SNX18: variants seen among roughly 807,000 people sequenced by gnomAD.
SNX18 encodes the protein sorting nexin-18.
SNX18 carries 35 observed loss-of-function variants against 48.7 expected under a neutral mutation model. The ratio of observed to expected loss-of-function variants is 0.72; its 90% confidence interval spans 0.55 to 0.95. The LOEUF (loss-of-function observed/expected upper bound fraction) is 0.95, where lower values mean the gene tolerates loss of function less well. Ranked by LOEUF, SNX18 falls within the 40% of genes least tolerant of loss-of-function variation. SNX18 has a pLI of 0.00. For synonymous variants in SNX18, 492 were observed against 384.7 expected, an observed-to-expected ratio of 1.28 and a Z score of -3.26; for missense variants, 824 against 871.0, an observed-to-expected ratio of 0.95 and a Z score of 0.68.
the SNX18 span, among the ~76,000 whole-genome samples, chr5:54,593,634 C>T: frequency 2.6e-5 from 4 of 152,126 alleles, no homozygotes; most frequent in Admixed American, 6.5e-5. Context: ...TTATATGACC[C>T]GATTTCTAGA....
the SNX18 span, among the ~76,000 whole-genome samples, chr5:54,629,757 G>C: frequency 6.6e-6 from 1 of 152,136 alleles, no homozygotes; most frequent in South Asian, 2.1e-4. Context: ...CAGAAGGCTT[G>C]GCTTTCTCTG....
chr5:54,589,231 C>A, the SNX18 span, among the ~76,000 whole-genome samples: 1 of 152,150 alleles, frequency 6.6e-6, no homozygotes, highest in African/African-American at 2.4e-5. Flanking sequence ...TTTCCTTCTG[C>A]CTAGTAATTT....
the SNX18 span, among the ~76,000 whole-genome samples, chr5:54,611,035 A>C: frequency 1.3e-5 from 2 of 152,318 alleles, no homozygotes; most frequent in East Asian, 3.9e-4. Context: ...TTTAAGGATC[A>C]TCCTATGTAA....
chr5:54,560,962 A>T, the SNX18 span, among the ~76,000 whole-genome samples: 1 of 152,218 alleles, frequency 6.6e-6, no homozygotes, highest in Non-Finnish European at 1.5e-5. Context: ...GACATCTAAG[A>T]TGTTACATTT....
chr5:54,530,941 C>A (rs1762244229), intron 1 of SNX18, among the ~76,000 whole-genome samples: 1 of 151,408 alleles, frequency 6.6e-6, no homozygotes, highest in Non-Finnish European at 1.5e-5. Flanking sequence ...TTAGTAGAGA[C>A]GAGGTTTCAT....
chr5:54,620,818 A>T, the SNX18 span, among the ~76,000 whole-genome samples: 1 of 152,210 alleles, frequency 6.6e-6, no homozygotes. Context: ...CTTGGCTGGC[A>T]GGTGGCCACC....
intron 1 of SNX18, among the ~76,000 whole-genome samples, chr5:54,539,915 G>A (rs540114308): frequency 2.0e-5 from 3 of 151,640 alleles, no homozygotes; most frequent in African/African-American, 2.4e-5. Context: ...CTTGTTGCCC[G>A]GGCTGGAGTG....
chr5:54,639,463 C>G, the SNX18 span, among the ~76,000 whole-genome samples: 4 of 152,286 alleles, frequency 2.6e-5, no homozygotes, highest in East Asian at 7.7e-4. Context: ...GCCAATGTCA[C>G]TTCCAGTTCT....
chr5:54,598,333 T>C, the SNX18 span, among the ~76,000 whole-genome samples: 1 of 152,300 alleles, frequency 6.6e-6, no homozygotes, highest in East Asian at 1.9e-4. Context: ...TACCATTTCT[T>C]CTGCAATTAT....
At chr5:54,533,959 T>C (rs1240424336) in intron 1 of SNX18, among the ~76,000 whole-genome samples, 1 of 152,030 alleles carries the variant, frequency 6.6e-6, no homozygotes, top group Non-Finnish European at 1.5e-5. Flanking sequence ...AGGGTGTGGA[T>C]CCCAGCAATG....
chr5:54,552,192 G>C, the SNX18 span, among the ~76,000 whole-genome samples: 2 of 152,198 alleles, frequency 1.3e-5, no homozygotes, highest in Non-Finnish European at 2.9e-5. Flanking sequence ...TGAGACATTC[G>C]TGAGCGGCTG....
At chr5:54,587,502 A>G in the SNX18 span, among the ~76,000 whole-genome samples, 5 of 152,280 alleles carry the variant, frequency 3.3e-5, no homozygotes, top group African/African-American at 1.2e-4. Context: ...TCTATAGACT[A>G]AAAACTTGTC....
chr5:54,608,723 G>A, the SNX18 span, among the ~76,000 whole-genome samples: 2 of 152,336 alleles, frequency 1.3e-5, no homozygotes, highest in Middle Eastern at 3.4e-3. Context: ...GTGTACGACT[G>A]TAGCAGGTAT....
chr5:54,624,259 G>T, the SNX18 span, among the ~76,000 whole-genome samples: 12 of 152,184 alleles, frequency 7.9e-5, no homozygotes, highest in African/African-American at 2.9e-4. Context: ...ATAGTATCAT[G>T]ATGTTGAATT....
intron 1 of SNX18, among the ~76,000 whole-genome samples, chr5:54,524,113 C>A (rs935420600): frequency 1.3e-5 from 2 of 152,206 alleles, no homozygotes; most frequent in African/African-American, 4.8e-5. Context: ...CCTCATGTCT[C>A]TAAAAAGAGA....
chr5:54,593,635 G>A, the SNX18 span, among the ~76,000 whole-genome samples: 2 of 152,164 alleles, frequency 1.3e-5, no homozygotes, highest in Non-Finnish European at 1.5e-5. Flanking sequence ...TATATGACCC[G>A]ATTTCTAGAC....
chr5:54,594,456 T>C, the SNX18 span, among the ~76,000 whole-genome samples: 2 of 152,182 alleles, frequency 1.3e-5, no homozygotes, highest in Non-Finnish European at 2.9e-5. Flanking sequence ...TTGGATGGTG[T>C]CTGGGAACTT....
At chr5:54,643,099 G>T in the SNX18 span, among the ~76,000 whole-genome samples, 1 of 151,970 alleles carries the variant, frequency 6.6e-6, no homozygotes, top group Non-Finnish European at 1.5e-5. Flanking sequence ...AAAGGGAGGG[G>T]GGATAACAAG....
intron 1 of SNX18, 90 bp from the exon 2 acceptor site, chr5:54,543,089 A>G: frequency 7.7e-7 from 1 of 1,301,222 alleles, no homozygotes; most frequent in Non-Finnish European, 1.0e-6. Flanking sequence ...GCAACTATTT[A>G]TAATGCCCAA....
Sources: allele counts gnomAD v4.1 joint callset (sites outside exome capture counted in the v4.1 genomes callset), GRCh38; gene constraint gnomAD v4.1.1; transcripts MANE v1.5; gene names NCBI Gene and HGNC (gene_info 2026-07-23, HGNC 2026-07-21).